The following APC variants were observed in gnomAD, a reference collection of about 807,000 sequenced individuals.
APC encodes the protein adenomatous polyposis coli protein.
Under a neutral mutation model 247.0 loss-of-function variants are expected in APC, and 72 were observed. The ratio of observed to expected loss-of-function variants is 0.29; its 90% CI spans 0.24 to 0.35. The LOEUF (loss-of-function observed/expected upper bound fraction) is 0.35. APC is among the 10% of genes least tolerant of loss of function. The probability of loss-of-function intolerance (pLI) is 1.00; values close to 1 mark genes in which losing one functional copy is unlikely to be tolerated. For synonymous variants in APC, 1,254 were observed against 1,162.5 expected (o/e 1.08, Z -1.60); for missense variants, 3,400 against 3,360.7 (o/e 1.01, Z -0.29).
chr5:112,777,865 C>T (rs771090384), intron 5 of APC: 1 of 223,706 alleles, frequency 4.5e-6, no homozygotes, highest in Non-Finnish European at 9.7e-6. Flanking sequence ...TCAGCAGCAT[C>T]CCTTCTCTTC....
At chr5:112,727,242 G>A (rs1475666632) in intron 1 of APC, among the ~76,000 whole-genome samples, 5 of 151,236 alleles carry the variant, frequency 3.3e-5, no homozygotes, top group East Asian at 1.9e-4. Flanking sequence ...ACTTATCTTC[G>A]GACATTCAGA....
Position 112,844,030 on chromosome 5 carries a change from C to T in APC, c.8436C>T (p.Asn2812=), listed in dbSNP as rs750971628. The T allele has an allele frequency of 6.2e-7, 1 of 1,602,484 alleles. No homozygotes were observed. The highest frequency in any genetic ancestry group is 8.5e-7 in the Non-Finnish European group (1 of 1,176,816). Residue 2812 remains asparagine, a synonymous_variant, in exon 16 of 16, where the codon AAC becomes AAT. Transcript: ENST00000257430. ...PSQIPTPVNN[N]TKKRDSKTDS... Reference sequence around the variant, plus strand: ...AGATCCCAACTCCAGTGAATAACAACACAAAGAAGCGAGATTCCAAAACTG... The same window carrying T: ...AGATCCCAACTCCAGTGAATAACAATACAAAGAAGCGAGATTCCAAAACTG...
In APC at chr5:112,723,968, A is replaced by G. The variant is rs17134884; in HGVS notation, c.165+16086A>G. 4.8e-3 allele frequency among the ~76,000 whole-genome samples: 725 copies of G among 152,200 alleles called. 7 individuals are homozygous for G. The highest frequency in any genetic ancestry group is 0.017 in the African/African-American group (691 of 41,474). ...TAGAAATGAGAACAAAATTCAGATG[A>G]AAAAAAGAGCAGAGTTTCAGGAAGT... On this transcript the variant is annotated intron_variant, in intron 1 of 13. Coordinates refer to the APC transcript ENST00000507379.
intron 2 of APC, among the ~76,000 whole-genome samples, chr5:112,761,996 C>T (rs1313659390): frequency 1.3e-5 from 2 of 152,166 alleles, no homozygotes; most frequent in African/African-American, 2.4e-5. Flanking sequence ...ACCAAAGGCT[C>T]AGTTCAGAAT....
intron 6 of APC, among the ~76,000 whole-genome samples, chr5:112,789,358 T>G (rs1759321239): frequency 6.6e-6 from 1 of 152,176 alleles, no homozygotes; most frequent in African/African-American, 2.4e-5. Flanking sequence ...GGGTTTTGGA[T>G]TTTTGTATTA....
In APC at chr5:112,815,543, A is replaced by G. The variant is rs587780611; in HGVS notation, c.883A>G (p.Ser295Gly). The G allele has an allele frequency of 9.3e-6, 15 of 1,612,536 alleles. No homozygotes were observed. The East Asian group carries it at 1.3e-4, about 14-fold the overall frequency. The change falls in exon 9 of 16, where the codon AGT becomes GGT. Residue 295 changes from serine to glycine, a missense_variant. Ser to Gly is a moderately conservative substitution (Grantham distance 56, BLOSUM62 0). Around this residue, in one of 9 missense-constraint regions of APC, gnomAD observed 372 missense variants for 367.6 expected, o/e 1.01. Coordinates refer to ENST00000257430, the MANE Select transcript of APC (RefSeq NM_000038.6). ...TGAAACAGCCAGTGTTTTGAGTTCT[A>G]GTAGCACACACTCTGCACCTCGAAG... is the stretch of plus-strand genomic sequence containing the variant. ...DHETASVLSS[S>G]STHSAPRRLT...
At chr5:112,718,978 G>A (rs1751334502) in intron 1 of APC, among the ~76,000 whole-genome samples, 1 of 152,182 alleles carries the variant, frequency 6.6e-6, no homozygotes, top group Admixed American at 6.5e-5. Flanking sequence ...ACTTTGCAAA[G>A]CCCTAAGGGA....
chr5:112,796,792 GT>G (rs1456259774), intron 7 of APC, among the ~76,000 whole-genome samples: 1 of 151,804 alleles, frequency 6.6e-6, no homozygotes, highest in Non-Finnish European at 1.5e-5. Flanking sequence ...GCAGTGTTTT[GT>G]TTTTAATTGA....
chr5:112,733,370 G>T (rs1247970107), upstream of APC, among the ~76,000 whole-genome samples: 1 of 152,162 alleles, frequency 6.6e-6, no homozygotes, highest in East Asian at 1.9e-4. Flanking sequence ...ATTGACGTGG[G>T]CCAAATGTAA....
At chr5:112,810,304 A>G (rs1215579322) in intron 8 of APC, 1 of 275,544 alleles carries the variant, frequency 3.6e-6, no homozygotes, top group African/African-American at 2.3e-5. Flanking sequence ...CGATGGATAT[A>G]TACGCAGGTA....
chr5:112,719,296 C>A (rs1286668000), intron 1 of APC, among the ~76,000 whole-genome samples: 1 of 151,808 alleles, frequency 6.6e-6, no homozygotes, highest in African/African-American at 2.4e-5. Context: ...TGGCTCACTG[C>A]AACCTCTGCT....
intron 1 of APC, among the ~76,000 whole-genome samples, chr5:112,718,969 C>T (rs750643167): frequency 3.9e-5 from 6 of 152,112 alleles, no homozygotes; most frequent in Non-Finnish European, 7.3e-5. Flanking sequence ...GTTCCTAGGA[C>T]TTTGCAAAGC....
intron 2 of APC, 134 bp downstream of exon 2, chr5:112,755,159 A>C: frequency 7.8e-7 from 1 of 1,276,244 alleles, no homozygotes; most frequent in African/African-American, 1.5e-5. Context: ...TTTCTTGCAA[A>C]AGTTAGCATT....
chr5:112,781,608 A>G (rs1390430852), intron 6 of APC, among the ~76,000 whole-genome samples: 6 of 152,200 alleles, frequency 3.9e-5, no homozygotes, highest in Non-Finnish European at 7.3e-5. Context: ...AATATAGCAA[A>G]TAAAAGCAGA....
In APC at chr5:112,707,840, G is replaced by A. The variant is rs1189155420; in HGVS notation, c.123G>A (p.Pro41=). 10 of 1,370,482 alleles carry A rather than the reference G, an allele frequency of 7.3e-6. No homozygotes were observed. In the African/African-American group the frequency reaches 8.6e-5, roughly 12 times the overall value. The allele number at this position is 1,370,482 out of a possible 1,614,324, so 84.9% of individuals were successfully genotyped here. A position where few individuals can be genotyped will look rare whatever the true frequency, so the allele number is the denominator to read the frequency against. ...GCGTCCGGCAGGAGACGAAGAGCCC[G>A]GGCGGCGCTCGTACTTCTGGCCACT... is the stretch of plus-strand genomic sequence containing the variant. Residue 41 remains proline (P), a synonymous_variant, in exon 1 of 14, where the codon CCG becomes CCA. Transcript: ENST00000507379.
intron 1 of APC, among the ~76,000 whole-genome samples, chr5:112,710,729 A>G (rs1357892638): frequency 6.6e-6 from 1 of 152,234 alleles, no homozygotes; most frequent in Non-Finnish European, 1.5e-5. Context: ...TTTGAGCAAG[A>G]TAGAACTTTT....
At chr5:112,763,176 A>T (rs1470110173) in intron 2 of APC, among the ~76,000 whole-genome samples, 1 of 152,220 alleles carries the variant, frequency 6.6e-6, no homozygotes, top group East Asian at 1.9e-4. Context: ...GAACTTTATT[A>T]CAAGTTGAGT....
chr5:112,780,966 G>C, intron 6 of APC, 63 bp downstream of exon 6: 1 of 1,083,760 alleles, frequency 9.2e-7, no homozygotes, highest in Non-Finnish European at 1.4e-6. Context: ...ATGAATTACA[G>C]CTCTGTTAAT....
intron 6 of APC, among the ~76,000 whole-genome samples, chr5:112,786,626 A>G (rs1758981638): frequency 6.6e-6 from 1 of 152,168 alleles, no homozygotes; most frequent in Non-Finnish European, 1.5e-5. Flanking sequence ...AATGTAGTTT[A>G]TCTCCTCCCT....
Sources: gnomAD v4.1 joint callset for allele counts (sites outside exome capture counted in the v4.1 genomes callset) on GRCh38, gnomAD v4.1.1 for gene constraint, gnomAD v4.1.1 regional missense constraint, MANE v1.5 for transcripts, NCBI Gene and HGNC (gene_info 2026-07-23, HGNC 2026-07-21) for gene names.